Variants in TCP1 observed in about 807,000 individuals in gnomAD.
TCP1 encodes T-complex protein 1 subunit alpha.
A neutral mutation model predicts 54.7 loss-of-function variants in TCP1; 6 were observed. That is an observed-to-expected ratio of 0.11 (90% CI 0.06 to 0.22). The LOEUF (loss-of-function observed/expected upper bound fraction) is 0.22, where lower values mean the gene tolerates loss of function less well. Among genes scored for constraint, TCP1 ranks in the 10% least tolerant of loss-of-function variants. TCP1 has a pLI of 1.00. For missense variants in TCP1, 511 were observed against 678.2 expected (o/e 0.75, Z 2.74); for synonymous variants, 225 against 229.7 (o/e 0.98, Z 0.19).
chr6:159,780,580 T>TA lies in TCP1; in HGVS notation c.974-15dup. 6.2e-7 allele frequency: 1 copy of TA among 1,608,208 alleles called. No homozygotes were observed. The highest frequency in any genetic ancestry group is 8.5e-7 in the Non-Finnish European group (1 of 1,178,368). ...ACAGAATAGTTGCTAATAAGAGAGTTACAAAGGATCTGTGAATATTGCTCT... is the reference window on the plus strand; with the variant it reads ...ACAGAATAGTTGCTAATAAGAGAGTTAACAAAGGATCTGTGAATATTGCTCT... On this transcript the variant is annotated splice_polypyrimidine_tract_variant and intron_variant, in intron 8 of 11. Transcript: ENST00000321394.
At chr6:159,789,345 T>C (rs1780791572) in intron 1 of TCP1, 60 bp downstream of exon 1, 2 of 1,597,590 alleles carry the variant, frequency 1.3e-6, no homozygotes, top group Non-Finnish European at 1.7e-6. Flanking sequence ...CGGGGTCCGG[T>C]CGCGGTGGGA....
Position 159,789,488 on chromosome 6 carries a change from G to A in TCP1, c.-20C>T, listed in dbSNP as rs199675803. On this transcript the variant is annotated 5_prime_UTR_variant, in exon 1 of 12. The change creates a new upstream start codon in the 5' untranslated region. Coordinates refer to ENST00000321394, the MANE Select transcript of TCP1 (RefSeq NM_030752.3). ...CTCCATCTTGACGGCAGCGATACAC[G>A]TCGAATTCTGCTTACACCGCGGGCA... 6 of 1,613,744 alleles carry A rather than the reference G, an allele frequency of 3.7e-6. No individual in the cohort carries two copies. Among genetic ancestry groups the A allele is most frequent in the East Asian group, 2.2e-5 (1 of 44,846 alleles).
At chr6:159,786,284 G>GT (rs889185781) in intron 3 of TCP1, among the ~76,000 whole-genome samples, 29 of 151,996 alleles carry the variant, frequency 1.9e-4, no homozygotes, top group African/African-American at 6.3e-4. Context: ...AGGAAAACTT[G>GT]TTTTTTTATA....
chr6:159,784,610 A>AC, intron 6 of TCP1, 56 bp downstream of exon 6: 3 of 1,568,934 alleles, frequency 1.9e-6, no homozygotes, highest in Non-Finnish European at 2.6e-6. Flanking sequence ...AGCCAAAAGA[A>AC]AAGCTAGTTT....
chr6:159,789,264 G>T, intron 1 of TCP1, 141 bp downstream of exon 1: 1 of 891,016 alleles, frequency 1.1e-6, no homozygotes, highest in South Asian at 1.7e-5. Context: ...AGAGAACGGC[G>T]GGTGGGCTGG....
chr6:159,780,185 A>G (rs764648459), intron 9 of TCP1, 98 bp from the exon 10 acceptor site: 42 of 1,437,910 alleles, frequency 2.9e-5, no homozygotes, highest in Non-Finnish European at 3.8e-5. Context: ...TTTTAATAAA[A>G]TAAGTCTACA....
In TCP1 at chr6:159,779,189, A is replaced by G. The variant is rs1780510564; in HGVS notation, c.1527T>C (p.Val509=). Residue 509 remains valine, a synonymous_variant, in exon 12 of 12, where the codon GTT becomes GTC. Transcript: ENST00000321394. ...KQAGVFEPTI[V]KVKSLKFATE... ...TTGCAAATTTCAAACTCTTAACTTTAACTATGGTTGGTTCAAACACCCCTG... is the reference window on the plus strand; with the variant it reads ...TTGCAAATTTCAAACTCTTAACTTTGACTATGGTTGGTTCAAACACCCCTG... 1 of 1,613,834 alleles carries G rather than the reference A, an allele frequency of 6.2e-7. No individual in the cohort carries two copies. Among genetic ancestry groups the G allele is most frequent in the Non-Finnish European group, 8.5e-7 (1 of 1,179,856 alleles).
chr6:159,784,899 C>A (rs369297370), intron 5 of TCP1, 52 bp from the exon 6 acceptor site: 10 of 1,576,714 alleles, frequency 6.3e-6, no homozygotes, highest in Non-Finnish European at 7.8e-6. Flanking sequence ...AAAGGGTACA[C>A]ACGTGAAAAA....
chr6:159,781,413 C>T (rs35089102), intron 7 of TCP1, among the ~76,000 whole-genome samples: 73,184 of 151,970 alleles, frequency 0.48, 19,041 homozygotes, highest in Non-Finnish European at 0.58. Context: ...GCAAGTGTCA[C>T]TAAAGTGGTA....
At chr6:159,785,245 T>TTGGAC (rs1780666607) in intron 5 of TCP1, 141 bp downstream of exon 5, 2 of 678,194 alleles carry the variant, frequency 2.9e-6, no homozygotes, top group Admixed American at 5.0e-5. Context: ...GTTGCCCACA[T>TTGGAC]TGGACTGGCA....
intron 4 of TCP1, 163 bp from the exon 5 acceptor site, chr6:159,785,659 G>C: frequency 1.2e-6 from 1 of 800,350 alleles, no homozygotes; most frequent in Non-Finnish European, 2.2e-6. Flanking sequence ...TCAGATCATG[G>C]CAAGTTTAAT....
At chr6:159,788,031 A>G in intron 2 of TCP1, 27 bp downstream of exon 2, 1 of 1,612,624 alleles carries the variant, frequency 6.2e-7, no homozygotes. Flanking sequence ...CTTTAAGGAA[A>G]CTAACACAAC....
intron 8 of TCP1, 144 bp from the exon 9 acceptor site, chr6:159,780,710 A>G: frequency 7.9e-7 from 1 of 1,265,568 alleles, no homozygotes; most frequent in Non-Finnish European, 1.1e-6. Flanking sequence ...TTTTATCCTA[A>G]GATGGAACTG....
chr6:159,785,013 A>AT, intron 5 of TCP1, 166 bp from the exon 6 acceptor site: 2 of 709,066 alleles, frequency 2.8e-6, no homozygotes, highest in East Asian at 5.4e-5. Flanking sequence ...TCTGCAATTC[A>AT]TATCACTTTT....
In TCP1 at chr6:159,784,072, A is replaced by G. The variant is rs763359637; in HGVS notation, c.671-5T>C. 1.9e-6 allele frequency: 3 copies of G among 1,611,736 alleles called. No individual in the cohort carries two copies. Among genetic ancestry groups the G allele is most frequent in the Non-Finnish European group, 1.7e-6 (2 of 1,179,278 alleles). The stretch of plus-strand genomic sequence containing the variant: ...TTACGATTCTCTTGGGCATGCCTAC[A>G]ATTGAACATAAGATTAAGTTAATAC... On this transcript the variant is annotated splice_region_variant and splice_polypyrimidine_tract_variant and intron_variant, in intron 6 of 11. Coordinates refer to ENST00000321394, the MANE Select transcript of TCP1 (RefSeq NM_030752.3).
Position 159,781,115 on chromosome 6 carries a change from A to G in TCP1, c.798-5T>C, listed in dbSNP as rs1234602214. The G allele has an allele frequency of 6.3e-7, 1 of 1,576,820 alleles. No individual in the cohort carries two copies. Reference sequence around the variant, plus strand: ...TCCTTGGTGATATCTGATTCTCTGCAAAGTATTTTTGTAACCTGAGTTACC... The same window carrying G: ...TCCTTGGTGATATCTGATTCTCTGCGAAGTATTTTTGTAACCTGAGTTACC... On this transcript the variant is annotated splice_polypyrimidine_tract_variant and splice_region_variant and intron_variant, in intron 7 of 11. Transcript: ENST00000321394.
Position 159,778,966 on chromosome 6 carries a change from T to TTTAC in TCP1, c.*75_*78dup. 6.4e-7 allele frequency: 1 copy of TTTAC among 1,559,122 alleles called. No individual in the cohort carries two copies. Among genetic ancestry groups the TTTAC allele is most frequent in the Non-Finnish European group, 8.7e-7 (1 of 1,144,424 alleles). ...AAAAACCCAAGTTTACAGCTTGTAC[T>TTTAC]TTACTTTAATGTGTAATACTCAACT... On this transcript the variant is annotated 3_prime_UTR_variant, in exon 12 of 12. Transcript: ENST00000321394.
chr6:159,785,881 T>C lies in TCP1; in HGVS notation c.377+19A>G. 1.9e-6 allele frequency: 3 copies of C among 1,605,594 alleles called. No individual in the cohort carries two copies. The highest frequency in any genetic ancestry group is 3.8e-4 in the Middle Eastern group (2 of 5,256). ...ACTATTACATCAAAAAAAATTTCTC[T>C]GAATGCAAACAATCTTACTTGCAAG... On this transcript the variant is annotated intron_variant, in intron 4 of 11. Transcript: ENST00000321394.
chr6:159,789,083 T>A, intron 1 of TCP1: 1 of 379,392 alleles, frequency 2.6e-6, no homozygotes, highest in Non-Finnish European at 4.8e-6. Flanking sequence ...CAAAAGGGGG[T>A]GCGAGGCGTG....
Sources: gnomAD v4.1 joint callset for allele counts (sites outside exome capture counted in the v4.1 genomes callset) on GRCh38, gnomAD v4.1.1 for gene constraint, MANE v1.5 for transcripts, NCBI Gene and HGNC (gene_info 2026-07-23, HGNC 2026-07-21) for gene names.